Variants in VWA3B observed in about 807,000 individuals in gnomAD.
VWA3B encodes von Willebrand factor A domain-containing protein 3B.
Under a neutral mutation model 158.3 loss-of-function variants are expected in VWA3B, and 138 were observed. The observed-to-expected ratio is 0.87, with a 90% CI of 0.76 to 1.00. The LOEUF is 1.00. Ranked by LOEUF, VWA3B falls within the 50% of genes least tolerant of loss-of-function variation. The pLI, the probability that VWA3B is intolerant of heterozygous loss-of-function variation, is 0.00. For missense variants in VWA3B, 1,555 were observed against 1,565.1 expected, an observed-to-expected ratio of 0.99 and a Z score of 0.11; for synonymous variants, 596 against 587.3, an observed-to-expected ratio of 1.01 and a Z score of -0.21.
At position 98,192,957 on chromosome 2, in the gene VWA3B, T is replaced by A; in HGVS notation, c.1526T>A (p.Ile509Asn). 6.2e-7 allele frequency: 1 copy of A among 1,614,190 alleles called. No homozygotes were observed. Among genetic ancestry groups the A allele is most frequent in the Non-Finnish European group, 8.5e-7 (1 of 1,180,030 alleles). ...SLFGRLHNDC[I>N]YILIDTSHSM... Reference sequence around the variant, plus strand: ...TTTGGAAGATTGCATAATGATTGCATCTACATTCTCATTGACACGTCTCAC... The same window carrying A: ...TTTGGAAGATTGCATAATGATTGCAACTACATTCTCATTGACACGTCTCAC... The change falls in exon 11 of 28, where the codon ATC (isoleucine) becomes AAC (asparagine). Residue 509 changes from isoleucine (I) to asparagine (N), a missense_variant. Ile to Asn is a moderately radical substitution (Grantham distance 149). Coordinates refer to ENST00000477737, the MANE Select transcript of VWA3B (RefSeq NM_144992.5).
intron 7 of VWA3B, among the ~76,000 whole-genome samples, chr2:98,151,478 C>G (rs1014121336): frequency 1.3e-5 from 2 of 152,226 alleles, no homozygotes; most frequent in African/African-American, 4.8e-5. Flanking sequence ...ATTTAAGGCC[C>G]CCACTCATGT....
chr2:98,248,734 C>T (rs1409543204), intron 19 of VWA3B, among the ~76,000 whole-genome samples: 2 of 152,152 alleles, frequency 1.3e-5, no homozygotes, highest in Non-Finnish European at 2.9e-5. Context: ...GCTTCAACAA[C>T]ACTCATATGT....
chr2:98,272,337 T>G (rs532523475), intron 22 of VWA3B, among the ~76,000 whole-genome samples: 15 of 152,212 alleles, frequency 9.9e-5, no homozygotes, highest in Non-Finnish European at 2.2e-4. Flanking sequence ...AGGATACAGA[T>G]GAAGAGATGC....
chr2:98,131,243 A>T (rs903102538), intron 6 of VWA3B, among the ~76,000 whole-genome samples: 1 of 152,192 alleles, frequency 6.6e-6, no homozygotes, highest in Non-Finnish European at 1.5e-5. Flanking sequence ...CCGTAATATA[A>T]TGACCTCCAG....
intron 8 of VWA3B, chr2:98,179,174 G>T (rs1680257986): frequency 2.1e-6 from 1 of 470,052 alleles, no homozygotes. Context: ...CCAGACACCA[G>T]TGCCTCCTCA....
In VWA3B at chr2:98,093,067, G is replaced by A. The variant is rs766463125; in HGVS notation, c.-26G>A. ...TTTATGATTGCCCTTACAGGAGTTT[G>A]CTGTGACTTAGATCTTGATTCAGAG... On this transcript the variant is annotated 5_prime_UTR_variant, in exon 2 of 28. Transcript: ENST00000477737. The A allele has an allele frequency of 3.7e-6, 6 of 1,607,606 alleles. No individual in the cohort carries two copies. The highest frequency in any genetic ancestry group is 2.6e-6 in the Non-Finnish European group (3 of 1,175,332).
chr2:98,322,159 AAT>A, the VWA3B span, among the ~76,000 whole-genome samples: 2 of 152,192 alleles, frequency 1.3e-5, no homozygotes, highest in African/African-American at 2.4e-5. Flanking sequence ...AGAACAAACT[AAT>A]AAGACCTGGA....
chr2:98,179,151 T>C (rs2105335944), intron 8 of VWA3B: 2 of 465,534 alleles, frequency 4.3e-6, no homozygotes, highest in South Asian at 3.2e-5. Flanking sequence ...TTGGGAGATG[T>C]GCACAGCCAG....
At position 98,125,696 on chromosome 2, in the gene VWA3B, G is replaced by A. The variant is rs774856086; in HGVS notation, c.703-2543G>A. Among the ~76,000 whole-genome samples, 8 of 151,560 alleles carry A rather than the reference G, an allele frequency of 5.3e-5. No individual in the cohort carries two copies. The highest frequency in any genetic ancestry group is 1.0e-4 in the Non-Finnish European group (7 of 67,950). ...TTCTTTTTTTTTGAAACCGAGTCTC[G>A]CTCTGTCGCCCAGGCTGGAGTGCAG... On this transcript the variant is annotated intron_variant, in intron 5 of 27. Coordinates refer to ENST00000477737, the MANE Select transcript of VWA3B (RefSeq NM_144992.5). This position sits in a 1 kb window ranked among gnomAD's most constrained non-coding sequence, Gnocchi z 4.1.
chr2:98,089,823 T>C (rs1330082389), intron 1 of VWA3B, among the ~76,000 whole-genome samples: 1 of 151,984 alleles, frequency 6.6e-6, no homozygotes, highest in Non-Finnish European at 1.5e-5. Context: ...TTACACTTTT[T>C]TTAAAAATTA....
At chr2:98,153,667 T>C (rs957278458) in intron 7 of VWA3B, among the ~76,000 whole-genome samples, 2 of 152,226 alleles carry the variant, frequency 1.3e-5, no homozygotes, top group Non-Finnish European at 2.9e-5. Context: ...TGGTGCCTGT[T>C]TATGGCTTAC....
chr2:98,182,152 C>G (rs1426350893), intron 9 of VWA3B, among the ~76,000 whole-genome samples: 3 of 152,202 alleles, frequency 2.0e-5, no homozygotes, highest in Non-Finnish European at 4.4e-5. Context: ...GACCGCAGCC[C>G]AGAGGAGACA....
chr2:98,126,901 G>T, intron 5 of VWA3B, among the ~76,000 whole-genome samples: 1 of 149,846 alleles, frequency 6.7e-6, no homozygotes, highest in Non-Finnish European at 1.5e-5. Context: ...CCACCTCCTT[G>T]GCACAGTCTG....
intron 5 of VWA3B, among the ~76,000 whole-genome samples, chr2:98,123,720 GGT>G (rs1366564531): frequency 1.3e-5 from 2 of 152,178 alleles, no homozygotes; most frequent in African/African-American, 4.8e-5. Context: ...TCAGAGACCA[GGT>G]GTGTGGACCG....
At chr2:98,218,153 T>C (rs1684193091) in intron 14 of VWA3B, 125 bp downstream of exon 14, 1 of 1,087,084 alleles carries the variant, frequency 9.2e-7, no homozygotes, top group African/African-American at 1.6e-5. Flanking sequence ...AAAAAATGAG[T>C]CGCTTAACAA....
chr2:98,110,360 T>G (rs914616145), intron 2 of VWA3B, among the ~76,000 whole-genome samples: 7 of 152,158 alleles, frequency 4.6e-5, no homozygotes, highest in Admixed American at 4.6e-4. Flanking sequence ...ATTTTATTCT[T>G]CTTTATATCT....
Position 98,133,908 on chromosome 2 carries a change from T to G in VWA3B, c.957T>G (p.Asn319Lys), listed in dbSNP as rs201337741. The G allele has an allele frequency of 1.3e-5, 21 of 1,613,962 alleles. No individual in the cohort carries two copies. The African/African-American group carries it at 2.8e-4, about 22-fold the overall frequency. Reference protein sequence around the residue: ...TKDGDNVMTWNSRKLKGKLPP... With the variant: ...TKDGDNVMTWKSRKLKGKLPP... ...ATGGTGACAATGTGATGACTTGGAATTCAAGGAAACTGAAAGGAAAACTCC... is the reference window on the plus strand; with the variant it reads ...ATGGTGACAATGTGATGACTTGGAAGTCAAGGAAACTGAAAGGAAAACTCC... The change falls in exon 7 of 28, where the codon AAT becomes AAG. Residue 319 changes from asparagine (N) to lysine (K), a missense_variant. By Grantham distance (94) the Asn-to-Lys change is moderately conservative (BLOSUM62 0). Transcript: ENST00000477737.
At chr2:98,241,516 T>C (rs537738847) in intron 19 of VWA3B, among the ~76,000 whole-genome samples, 2 of 151,922 alleles carry the variant, frequency 1.3e-5, no homozygotes, top group East Asian at 3.9e-4. Flanking sequence ...ACACTGCGGA[T>C]GTACCCAAAG....
intron 25 of VWA3B, 126 bp downstream of exon 25, chr2:98,300,342 T>C (rs1212324816): frequency 7.1e-7 from 1 of 1,403,754 alleles, no homozygotes; most frequent in East Asian, 2.4e-5. Context: ...CCACTCCCTG[T>C]GTTTTGGCTT....
Sources: gnomAD v4.1 joint callset for allele counts (sites outside exome capture counted in the v4.1 genomes callset) on GRCh38, gnomAD v4.1.1 for gene constraint, Gnocchi (gnomAD v3.1) non-coding constraint, MANE v1.5 for transcripts, NCBI Gene and HGNC (gene_info 2026-07-23, HGNC 2026-07-21) for gene names.